CAMKMT: variants seen among roughly 807,000 people sequenced by gnomAD.
The protein encoded by CAMKMT is CaM KMT.
A neutral mutation model predicts 48.0 loss-of-function variants in CAMKMT; 53 were observed. The ratio of observed to expected loss-of-function variants is 1.10; its 90% CI spans 0.89 to 1.39. CAMKMT has a LOEUF of 1.39. Ranked by LOEUF, CAMKMT falls within the 40% of genes most tolerant of loss-of-function variation. The pLI is 0.00. For synonymous variants in CAMKMT, 165 were observed against 152.3 expected, an observed-to-expected ratio of 1.08 and a Z score of -0.61; for missense variants, 428 against 402.7, an observed-to-expected ratio of 1.06 and a Z score of -0.54.
intron 3 of CAMKMT, among the ~76,000 whole-genome samples, chr2:44,447,530 C>T (rs528159130): frequency 3.3e-5 from 5 of 152,286 alleles, no homozygotes; most frequent in African/African-American, 9.6e-5. Context: ...ACAACACTAA[C>T]ATTTCTTTCA....
intron 3 of CAMKMT, among the ~76,000 whole-genome samples, chr2:44,416,811 G>A (rs528862562): frequency 6.6e-6 from 1 of 151,860 alleles, no homozygotes; most frequent in South Asian, 2.1e-4. Flanking sequence ...CTAACCTCAG[G>A]TGATCCACCC....
chr2:44,628,247 A>C (rs1016221576), intron 3 of CAMKMT, among the ~76,000 whole-genome samples: 10 of 152,076 alleles, frequency 6.6e-5, no homozygotes, highest in Non-Finnish European at 1.0e-4. Flanking sequence ...TGTGCCCATC[A>C]TTAATTTGTA....
At chr2:44,762,876 G>C (rs1680675571) in intron 9 of CAMKMT, among the ~76,000 whole-genome samples, 1 of 152,158 alleles carries the variant, frequency 6.6e-6, no homozygotes. Context: ...ATTCAATTGA[G>C]TATTCATTCT....
chr2:44,380,149 A>G (rs1039978866), intron 2 of CAMKMT, among the ~76,000 whole-genome samples: 4 of 152,018 alleles, frequency 2.6e-5, no homozygotes, highest in East Asian at 3.8e-4. Context: ...ATCTGCCCCA[A>G]TGACTCGTTC....
chr2:44,472,893 CT>C (rs1168540226), intron 3 of CAMKMT, among the ~76,000 whole-genome samples: 1 of 152,140 alleles, frequency 6.6e-6, no homozygotes, highest in Non-Finnish European at 1.5e-5. Context: ...TTTTTTCTAG[CT>C]GCATTTAAAT....
chr2:44,456,956 C>T (rs1667596056), intron 3 of CAMKMT: 1 of 185,438 alleles, frequency 5.4e-6, no homozygotes, highest in East Asian at 1.4e-4. Context: ...ATTCATAAGC[C>T]AGTTATTGCA....
intron 3 of CAMKMT, among the ~76,000 whole-genome samples, chr2:44,493,808 C>G (rs698823): frequency 6.6e-6 from 1 of 151,942 alleles, no homozygotes; most frequent in Non-Finnish European, 1.5e-5. Context: ...ATTGTAATGA[C>G]TAAGTGCATA....
At chr2:44,571,840 G>A (rs1668922718) in intron 3 of CAMKMT, among the ~76,000 whole-genome samples, 1 of 151,992 alleles carries the variant, frequency 6.6e-6, no homozygotes, top group East Asian at 1.9e-4. Flanking sequence ...CTAAAAAAGA[G>A]ACAAAACAAA....
intron 3 of CAMKMT, among the ~76,000 whole-genome samples, chr2:44,466,574 C>G (rs1166764958): frequency 1.3e-5 from 2 of 152,012 alleles, no homozygotes; most frequent in Non-Finnish European, 2.9e-5. Flanking sequence ...AAAGAAGGCT[C>G]TCATATCAAC....
chr2:44,711,651 A>G (rs1677885410), intron 6 of CAMKMT, among the ~76,000 whole-genome samples: 1 of 152,178 alleles, frequency 6.6e-6, no homozygotes, highest in African/African-American at 2.4e-5. Flanking sequence ...AAAAGAAAAT[A>G]AAGTGTAACT....
At chr2:44,424,018 A>G (rs147103781) in intron 3 of CAMKMT, among the ~76,000 whole-genome samples, 1 of 152,310 alleles carries the variant, frequency 6.6e-6, no homozygotes, top group East Asian at 1.9e-4. Flanking sequence ...TTTATGAATA[A>G]TTAGCATGTA....
chr2:44,664,990 T>C (rs545941170), intron 3 of CAMKMT, among the ~76,000 whole-genome samples: 1 of 152,310 alleles, frequency 6.6e-6, no homozygotes, highest in South Asian at 2.1e-4. Flanking sequence ...CCCCAGGAAT[T>C]CTGATATAGT....
At chr2:44,538,678 T>G (rs960416487) in intron 3 of CAMKMT, among the ~76,000 whole-genome samples, 1 of 152,108 alleles carries the variant, frequency 6.6e-6, no homozygotes, top group Non-Finnish European at 1.5e-5. Flanking sequence ...CAATATATAC[T>G]GCTAGGGTGA....
At chr2:44,745,386 A>G (rs115485904) in intron 8 of CAMKMT, among the ~76,000 whole-genome samples, 2 of 152,322 alleles carry the variant, frequency 1.3e-5, no homozygotes, top group Non-Finnish European at 1.5e-5. Context: ...TTTTCTGATT[A>G]ATGTTCTCAG....
chr2:44,645,041 T>C (rs1673657626), intron 3 of CAMKMT, among the ~76,000 whole-genome samples: 1 of 152,220 alleles, frequency 6.6e-6, no homozygotes, highest in African/African-American at 2.4e-5. Context: ...CATGTCTATG[T>C]TATTTTTACA....
In CAMKMT at chr2:44,563,518, C is replaced by T. The variant is rs544615215; in HGVS notation, c.377-140765C>T. ...CTTTAAGTTCTAGGGTACATGTGCA[C>T]AACGTGCAGGTTTGTTACATATGTA... On this transcript the variant is annotated intron_variant, in intron 3 of 10. Transcript: ENST00000378494. Among the ~76,000 whole-genome samples, 6 of 148,252 alleles carry T rather than the reference C, an allele frequency of 4.0e-5. No homozygotes were observed. In the East Asian group the frequency reaches 1.2e-3, roughly 29 times the overall value.
intron 3 of CAMKMT, among the ~76,000 whole-genome samples, chr2:44,569,866 C>T (rs1022715767): frequency 3.2e-4 from 49 of 152,152 alleles, no homozygotes; most frequent in South Asian, 1.2e-3. Flanking sequence ...TTATAGCAAC[C>T]GGCAGATTTT....
chr2:44,409,724 C>A (rs1197578614), intron 3 of CAMKMT, among the ~76,000 whole-genome samples: 1 of 152,062 alleles, frequency 6.6e-6, no homozygotes, highest in Non-Finnish European at 1.5e-5. Flanking sequence ...GTGGAATACT[C>A]TGTAATTTAT....
At chr2:44,397,495 G>A (rs1397790572) in intron 3 of CAMKMT, among the ~76,000 whole-genome samples, 1 of 152,108 alleles carries the variant, frequency 6.6e-6, no homozygotes, top group Admixed American at 6.5e-5. Context: ...ATTTTTGAAG[G>A]TTGGCTTCGG....
Sources: gnomAD v4.1 joint callset for allele counts (sites outside exome capture counted in the v4.1 genomes callset) on GRCh38, gnomAD v4.1.1 for gene constraint, MANE v1.5 for transcripts, NCBI Gene and HGNC (gene_info 2026-07-23, HGNC 2026-07-21) for gene names.